The following ENPP2 variants were observed in gnomAD, a reference collection of about 807,000 sequenced individuals.
ENPP2 encodes ectonucleotide pyrophosphatase/phosphodiesterase 2, also known as autotaxin.
ENPP2 carries 51 observed loss-of-function variants against 120.2 expected under a neutral mutation model. The ratio of observed to expected loss-of-function variants is 0.42; its 90% CI spans 0.34 to 0.54. The LOEUF (loss-of-function observed/expected upper bound fraction) is 0.54. Among genes scored for constraint, ENPP2 ranks in the 20% least tolerant of loss-of-function variants. ENPP2 has a pLI of 0.04. For synonymous variants in ENPP2, 365 were observed against 366.4 expected (o/e 1.00, Z 0.04); for missense variants, 920 against 1,066.5 (o/e 0.86, Z 1.91).
chr8:119,592,223 T>C (rs1364582665), intron 12 of ENPP2, among the ~76,000 whole-genome samples: 1 of 152,038 alleles, frequency 6.6e-6, no homozygotes, highest in African/African-American at 2.4e-5. Flanking sequence ...AGAGGTGCTG[T>C]ACACTTTGGG....
intron 13 of ENPP2, among the ~76,000 whole-genome samples, chr8:119,587,507 A>T (rs1813197303): frequency 6.6e-6 from 1 of 152,200 alleles, no homozygotes; most frequent in Non-Finnish European, 1.5e-5. Context: ...GTCTTCACCC[A>T]CTTTAAGTTG....
At chr8:119,572,457 T>C (rs946796318) in intron 19 of ENPP2, among the ~76,000 whole-genome samples, 1 of 152,218 alleles carries the variant, frequency 6.6e-6, no homozygotes, top group Admixed American at 6.5e-5. Flanking sequence ...GGACAATCTA[T>C]AGTCTCTACT....
At chr8:119,620,978 G>A (rs530146894) in intron 4 of ENPP2, among the ~76,000 whole-genome samples, 2 of 152,286 alleles carry the variant, frequency 1.3e-5, no homozygotes, top group African/African-American at 2.4e-5. Context: ...GAGGCTAACT[G>A]AGAGCATGTC....
chr8:119,588,917 C>T (rs1372811415), intron 13 of ENPP2, among the ~76,000 whole-genome samples: 2 of 152,182 alleles, frequency 1.3e-5, no homozygotes, highest in South Asian at 2.1e-4. Context: ...AGTGGTTCAG[C>T]TAATCTGGCT....
chr8:119,584,922 G>A (rs1813000042), intron 15 of ENPP2, among the ~76,000 whole-genome samples: 1 of 152,190 alleles, frequency 6.6e-6, no homozygotes, highest in Non-Finnish European at 1.5e-5. Context: ...AAGGGCTTGG[G>A]ATAATAAGAC....
intron 1 of ENPP2, among the ~76,000 whole-genome samples, chr8:119,669,058 G>A (rs1239531457): frequency 6.6e-6 from 1 of 152,140 alleles, no homozygotes; most frequent in Non-Finnish European, 1.5e-5. Context: ...ATAACTTTTG[G>A]ACTCCTAATC....
intron 2 of ENPP2, among the ~76,000 whole-genome samples, chr8:119,631,377 C>T (rs911566698): frequency 2.0e-5 from 3 of 151,604 alleles, no homozygotes; most frequent in Admixed American, 1.3e-4. Flanking sequence ...CCACCATGCC[C>T]GGCTAATTTT....
rs115747139 is a variant in ENPP2, at chr8:119,627,295, A to G, written c.137-575T>C. ...ACAAGCTCTATAATCTGGGCTTCTC[A>G]AAAAACTCCTCCATCAATATTTTCA... On this transcript the variant is annotated intron_variant, in intron 2 of 24. Transcript: ENST00000075322. Among the ~76,000 whole-genome samples the G allele has an allele frequency of 7.0e-3, 1,071 of 152,316 alleles. 11 individuals carry two copies. Among genetic ancestry groups the G allele is most frequent in the African/African-American group, 0.025 (1,034 of 41,560 alleles).
At chr8:119,652,851 G>A (rs187654782) in intron 1 of ENPP2, among the ~76,000 whole-genome samples, 59 of 152,234 alleles carry the variant, frequency 3.9e-4, no homozygotes, top group African/African-American at 1.2e-3. Flanking sequence ...AGATCTGAGC[G>A]AGACAGCCAG....
At chr8:119,598,423 A>G (rs1159841928) in intron 11 of ENPP2, among the ~76,000 whole-genome samples, 1 of 152,220 alleles carries the variant, frequency 6.6e-6, no homozygotes, top group Non-Finnish European at 1.5e-5. Flanking sequence ...GTACTATAGG[A>G]AAAATCTCTG....
At chr8:119,573,094 A>T (rs1192253037) in intron 19 of ENPP2, 3 of 152,174 alleles carry the variant, frequency 2.0e-5, no homozygotes, top group African/African-American at 7.2e-5. Flanking sequence ...GGGGCCCAAG[A>T]GGGGCAGAGA....
At chr8:119,568,439 T>G (rs1245778747) in intron 21 of ENPP2, among the ~76,000 whole-genome samples, 187 bp from the exon 22 acceptor site, 3 of 152,136 alleles carry the variant, frequency 2.0e-5, no homozygotes, top group Admixed American at 6.5e-5. Context: ...ACTCAGTCTC[T>G]TCTTCACTCA....
chr8:119,601,129 G>A (rs1814274047), intron 10 of ENPP2, among the ~76,000 whole-genome samples: 2 of 152,206 alleles, frequency 1.3e-5, no homozygotes, highest in South Asian at 2.1e-4. Context: ...TCCTTGGGAT[G>A]CTGCTGGTTC....
chr8:119,584,574 T>G (rs183688862), intron 15 of ENPP2, among the ~76,000 whole-genome samples: 1 of 152,228 alleles, frequency 6.6e-6, no homozygotes, highest in Non-Finnish European at 1.5e-5. Flanking sequence ...AATATTTGCA[T>G]GCAAATTTAT....
chr8:119,656,772 T>C (rs1163507737), intron 1 of ENPP2, among the ~76,000 whole-genome samples: 4 of 152,190 alleles, frequency 2.6e-5, no homozygotes, highest in Non-Finnish European at 1.5e-5. Context: ...GTTTGAGTAA[T>C]TTGTGCAGTC....
intron 1 of ENPP2, among the ~76,000 whole-genome samples, chr8:119,664,635 G>A (rs1291577313): frequency 6.6e-6 from 1 of 152,074 alleles, no homozygotes; most frequent in African/African-American, 2.4e-5. Context: ...CAAAGTAGTG[G>A]GTGGCTTACA....
intron 1 of ENPP2, among the ~76,000 whole-genome samples, chr8:119,648,014 GA>G (rs1817522821): frequency 6.6e-6 from 1 of 152,090 alleles, no homozygotes; most frequent in South Asian, 2.1e-4. Context: ...CCCAAAAAAA[GA>G]AAAGTTTGGA....
intron 1 of ENPP2, among the ~76,000 whole-genome samples, chr8:119,669,803 G>A (rs1818188358): frequency 6.6e-6 from 1 of 152,202 alleles, no homozygotes; most frequent in Non-Finnish European, 1.5e-5. Context: ...AAGAGCTTGA[G>A]AACAACTTCA....
Position 119,634,147 on chromosome 8 carries a change from C to T in ENPP2, c.136+4278G>A, listed in dbSNP as rs1816853473. ...GCAGTTAGCTGAGATCACGCCACTG[C>T]ACTCCAGTCTGGGTGACAGAATGAG... On this transcript the variant is annotated intron_variant, in intron 2 of 24. Coordinates refer to ENST00000075322, the MANE Select transcript of ENPP2 (RefSeq NM_001040092.3). 2.6e-5 allele frequency among the ~76,000 whole-genome samples: 4 copies of T among 152,174 alleles called. No individual in the cohort carries two copies. In the South Asian group the frequency reaches 8.3e-4, roughly 32 times the overall value.
Sources: gnomAD v4.1 joint callset for allele counts (sites outside exome capture counted in the v4.1 genomes callset) on GRCh38, gnomAD v4.1.1 for gene constraint, MANE v1.5 for transcripts, NCBI Gene and HGNC (gene_info 2026-07-23, HGNC 2026-07-21) for gene names.